Variants in PDS5B observed in about 807,000 individuals in gnomAD.
PDS5B encodes the protein sister chromatid cohesion protein PDS5 homolog B.
In PDS5B, 51 loss-of-function variants were observed where a neutral mutation model predicts 184.1. The ratio of observed to expected loss-of-function variants is 0.28; its 90% CI spans 0.22 to 0.35. The LOEUF is 0.35. PDS5B is among the 10% of genes least tolerant of loss of function. The pLI is 1.00. For synonymous variants in PDS5B, 566 were observed against 569.2 expected, an observed-to-expected ratio of 0.99 and a Z score of 0.08; for missense variants, 1,180 against 1,723.3, an observed-to-expected ratio of 0.68 and a Z score of 5.58.
In PDS5B at chr13:32,692,414, CCTTTTTTTT is replaced by C. The variant is rs1392565526; in HGVS notation, c.1470-1808_1470-1800del. ...ATTAAACAAGTTTGCGTCCAAAAAG[CCTTTTTTTT>C]TTTTTTTTTTTTTTTTTTTGAGATA... On this transcript the variant is annotated intron_variant, in intron 13 of 34. Transcript: ENST00000315596. 3.9e-4 allele frequency among the ~76,000 whole-genome samples: 27 copies of C among 69,150 alleles called. 4 individuals are homozygous for C. The highest frequency in any genetic ancestry group is 5.5e-4 in the African/African-American group (11 of 19,838). The allele number at this position is 69,150 out of a possible 152,430, so 45.4% of individuals were successfully genotyped here.
At position 32,766,208 on chromosome 13, in the gene PDS5B, T is replaced by C. The variant is rs539932509; in HGVS notation, c.3624+1614T>C. Among the ~76,000 whole-genome samples, 18 of 152,304 alleles carry C rather than the reference T, an allele frequency of 1.2e-4. No homozygotes were observed. The East Asian group carries it at 2.1e-3, about 18-fold the overall frequency. ...TTGGAAAAGTCAACTAGGTCACTCA[T>C]ACCCACACCTATAGTGTACTACACT... is the stretch of plus-strand genomic sequence containing the variant. On this transcript the variant is annotated intron_variant, in intron 31 of 34. Coordinates refer to ENST00000315596, the MANE Select transcript of PDS5B (RefSeq NM_015032.4).
At chr13:32,676,695 G>T (rs907568841) in intron 9 of PDS5B, among the ~76,000 whole-genome samples, 1 of 152,102 alleles carries the variant, frequency 6.6e-6, no homozygotes, top group African/African-American at 2.4e-5. Flanking sequence ...ACTTTGGGAG[G>T]CCGAGGCAGG....
intron 1 of PDS5B, among the ~76,000 whole-genome samples, chr13:32,642,566 C>T (rs1476068137): frequency 6.6e-6 from 1 of 152,086 alleles, no homozygotes; most frequent in African/African-American, 2.4e-5. Context: ...GGAAAAACAA[C>T]CTGTGTATAT....
chr13:32,707,043 A>G lies in PDS5B; in HGVS notation c.1962+4A>G, dbSNP rs765802084. 6.6e-7 allele frequency: 1 copy of G among 1,518,930 alleles called. No homozygotes were observed. Among genetic ancestry groups the G allele is most frequent in the East Asian group, 2.3e-5 (1 of 43,092 alleles). The allele number at this position is 1,518,930 out of a possible 1,614,324, so 94.1% of individuals were successfully genotyped here. A position where few individuals can be genotyped will look rare whatever the true frequency, so the allele number is the denominator to read the frequency against. ...AGCAGGTCTTGAACTGCTTAAGGTA[A>G]GTATCTATTTAAAATTAAGTGCCTA... is the stretch of plus-strand genomic sequence containing the variant. On this transcript the variant is annotated splice_donor_region_variant and intron_variant, in intron 18 of 34. Transcript: ENST00000315596.
chr13:32,680,755 G>C (rs1951216382), intron 10 of PDS5B, among the ~76,000 whole-genome samples: 1 of 152,176 alleles, frequency 6.6e-6, no homozygotes, highest in Non-Finnish European at 1.5e-5. Flanking sequence ...GCCTTTTGAA[G>C]AGTGTAGTGT....
chr13:32,645,611 CT>C (rs1317770378), intron 1 of PDS5B, among the ~76,000 whole-genome samples: 18 of 152,066 alleles, frequency 1.2e-4, no homozygotes, highest in Admixed American at 1.2e-3. Flanking sequence ...TGATTTTTGA[CT>C]TTGTTGATCC....
At chr13:32,609,194 A>G (rs1381768229) in intron 1 of PDS5B, among the ~76,000 whole-genome samples, 1 of 152,202 alleles carries the variant, frequency 6.6e-6, no homozygotes, top group African/African-American at 2.4e-5. Flanking sequence ...TCCTTAAGAG[A>G]GGCTCCAAAT....
At chr13:32,631,101 T>G (rs1354753780) in intron 1 of PDS5B, among the ~76,000 whole-genome samples, 1 of 149,498 alleles carries the variant, frequency 6.7e-6, no homozygotes, top group African/African-American at 2.5e-5. Context: ...CCATCTCTAT[T>G]GATTCTTTTT....
chr13:32,633,177 T>C (rs208412), intron 1 of PDS5B, among the ~76,000 whole-genome samples: 22,371 of 152,230 alleles, frequency 0.15, 2,063 homozygotes, highest in South Asian at 0.32. Context: ...TGGGATGTTA[T>C]TGCTTAATGG....
At position 32,777,650 on chromosome 13, in the gene PDS5B, A is replaced by G. The variant is rs1261284349; in HGVS notation, c.*2598A>G. 1.3e-5 allele frequency: 2 copies of G among 152,358 alleles called. No individual in the cohort carries two copies. The highest frequency in any genetic ancestry group is 2.9e-5 in the Non-Finnish European group (2 of 67,810). The allele number at this position is 152,358 out of a possible 1,614,324, so 9.4% of individuals were successfully genotyped here. A position where few individuals can be genotyped will look rare whatever the true frequency, so the allele number is the denominator to read the frequency against. ...GAAAATCTTATTCCTCAGTGAGGTT[A>G]TCTTGCTGCACTCTGTAGCAAATTT... On this transcript the variant is annotated 3_prime_UTR_variant, in exon 35 of 35. Transcript: ENST00000315596.
chr13:32,741,097 A>G lies in PDS5B; in HGVS notation c.2424A>G (p.Thr808=), dbSNP rs1489923791. 4 of 1,576,018 alleles carry G rather than the reference A, an allele frequency of 2.5e-6. No homozygotes were observed. The highest frequency in any genetic ancestry group is 3.5e-6 in the Non-Finnish European group (4 of 1,151,216). ...ATTTTTAGCTTCCAGGGAAAAAGAC[A>G]ACTAAACTTTGGGTTCCAGATGAAG... is the stretch of plus-strand genomic sequence containing the variant. ...LMNDRLPGKK[T]TKLWVPDEEV... The change falls in exon 22 of 35, where the codon ACA becomes ACG. Residue 808 remains threonine, a synonymous_variant. Transcript: ENST00000315596.
chr13:32,676,032 A>C, intron 9 of PDS5B, 73 bp downstream of exon 9: 1 of 788,360 alleles, frequency 1.3e-6, no homozygotes, highest in Admixed American at 2.2e-5. Flanking sequence ...AACATTATCC[A>C]CATTTAAACT....
chr13:32,758,337 A>C, intron 27 of PDS5B, 118 bp downstream of exon 27: 1 of 950,220 alleles, frequency 1.1e-6, no homozygotes, highest in Non-Finnish European at 1.5e-6. Flanking sequence ...ATTAGTAATT[A>C]GAATTACGTA....
intron 1 of PDS5B, among the ~76,000 whole-genome samples, chr13:32,626,844 A>C (rs2058378006): frequency 6.6e-6 from 1 of 152,244 alleles, no homozygotes; most frequent in Admixed American, 6.5e-5. Context: ...TGGTTCAAGA[A>C]TTATATGTTC....
intron 1 of PDS5B, among the ~76,000 whole-genome samples, chr13:32,628,531 CAGAG>C (rs2058404150): frequency 6.9e-6 from 1 of 145,860 alleles, no homozygotes; most frequent in African/African-American, 2.5e-5. Flanking sequence ...CTGGGCGACA[CAGAG>C]AGACTCCCAT....
intron 1 of PDS5B, among the ~76,000 whole-genome samples, chr13:32,614,062 A>G (rs1414597180): frequency 1.3e-5 from 2 of 152,116 alleles, no homozygotes. Context: ...GTTTATTTCT[A>G]GGCTGTCTGT....
In PDS5B at chr13:32,765,097, C is replaced by T. The variant is rs185266611; in HGVS notation, c.3624+503C>T. Among the ~76,000 whole-genome samples the T allele has an allele frequency of 1.1e-4, 17 of 151,978 alleles. No individual in the cohort carries two copies. In the East Asian group the frequency reaches 3.3e-3, roughly 29 times the overall value. On this transcript the variant is annotated intron_variant, in intron 31 of 34. Coordinates refer to ENST00000315596, the MANE Select transcript of PDS5B (RefSeq NM_015032.4). Reference sequence around the variant, plus strand: ...CTTAATAGAAATGATAAAATGATAACTTGTATGATAGACAGTTTGTGTTGT... The same window carrying T: ...CTTAATAGAAATGATAAAATGATAATTTGTATGATAGACAGTTTGTGTTGT...
intron 2 of PDS5B, 126 bp from the exon 3 acceptor site, chr13:32,651,678 A>G: frequency 1.7e-6 from 1 of 595,606 alleles, no homozygotes; most frequent in South Asian, 2.2e-5. Context: ...TCAAATAGAG[A>G]CTTTCTGCAG....
chr13:32,651,477 G>A (rs913107229), intron 2 of PDS5B, among the ~76,000 whole-genome samples: 1 of 152,078 alleles, frequency 6.6e-6, no homozygotes, highest in African/African-American at 2.4e-5. Flanking sequence ...ACTCCTTTTA[G>A]TCCAGTTGTA....
Sources: allele counts gnomAD v4.1 joint callset (sites outside exome capture counted in the v4.1 genomes callset), GRCh38; gene constraint gnomAD v4.1.1; transcripts MANE v1.5; gene names NCBI Gene and HGNC (gene_info 2026-07-23, HGNC 2026-07-21).